The following RBMS3 variants were observed in gnomAD, a reference collection of about 807,000 sequenced individuals.
The protein encoded by RBMS3 is RNA-binding motif, single-stranded-interacting protein 3.
RBMS3 carries 27 observed loss-of-function variants against 66.8 expected under a neutral mutation model. The ratio of observed to expected loss-of-function variants is 0.40; its 90% confidence interval spans 0.30 to 0.56. RBMS3 has a LOEUF of 0.56. RBMS3 is among the 20% of genes least tolerant of loss of function. The pLI is 0.40. For missense variants in RBMS3, 513 were observed against 549.5 expected (o/e 0.93, Z 0.66); for synonymous variants, 188 against 183.0 (o/e 1.03, Z -0.22).
chr3:29,560,027 A>T (rs1440160589), intron 3 of RBMS3, among the ~76,000 whole-genome samples: 1 of 152,200 alleles, frequency 6.6e-6, no homozygotes. Flanking sequence ...CTTCAAAAAT[A>T]TTTAAATCAC....
At chr3:29,352,290 G>A (rs922582095) in intron 1 of RBMS3, among the ~76,000 whole-genome samples, 2 of 151,898 alleles carry the variant, frequency 1.3e-5, no homozygotes, top group Non-Finnish European at 2.9e-5. Context: ...TTACTTATAA[G>A]TTAATTTTGA....
intron 4 of RBMS3, among the ~76,000 whole-genome samples, chr3:29,600,355 C>T (rs1295591779): frequency 1.3e-5 from 2 of 151,946 alleles, no homozygotes; most frequent in African/African-American, 4.8e-5. Flanking sequence ...TGAGATCTTG[C>T]TCTATTAGTT....
At chr3:29,915,553 C>T (rs542337120) in intron 10 of RBMS3, among the ~76,000 whole-genome samples, 1 of 151,388 alleles carries the variant, frequency 6.6e-6, no homozygotes, top group Non-Finnish European at 1.5e-5. Flanking sequence ...ACAGTATGCC[C>T]GTATCTCCAG....
intron 6 of RBMS3, among the ~76,000 whole-genome samples, chr3:29,849,083 A>C (rs1024859252): frequency 6.6e-6 from 1 of 151,858 alleles, no homozygotes; most frequent in Non-Finnish European, 1.5e-5. Context: ...TCAGATATAC[A>C]CTCAGGTCTA....
chr3:29,609,308 C>T (rs993122392), intron 4 of RBMS3, among the ~76,000 whole-genome samples: 12 of 151,966 alleles, frequency 7.9e-5, no homozygotes, highest in African/African-American at 2.9e-4. Flanking sequence ...CAGTATTGGA[C>T]TGGCAGTATG....
At chr3:29,406,457 A>G (rs1309314375) in intron 1 of RBMS3, among the ~76,000 whole-genome samples, 1 of 152,202 alleles carries the variant, frequency 6.6e-6, no homozygotes, top group African/African-American at 2.4e-5. Context: ...AACTCCCTGA[A>G]TGACAATCCA....
At chr3:29,577,635 C>T (rs1460590471) in intron 3 of RBMS3, among the ~76,000 whole-genome samples, 1 of 152,322 alleles carries the variant, frequency 6.6e-6, no homozygotes, top group East Asian at 1.9e-4. Flanking sequence ...GGTCCAAATG[C>T]TCCCTCTGTG....
intron 11 of RBMS3, 106 bp downstream of exon 11, chr3:29,936,302 T>C: frequency 9.6e-7 from 1 of 1,037,132 alleles, no homozygotes; most frequent in South Asian, 1.5e-5. Context: ...CCATATTCGT[T>C]GACTAACACA....
At chr3:29,585,422 G>A (rs2047484031) in intron 3 of RBMS3, among the ~76,000 whole-genome samples, 2 of 152,212 alleles carry the variant, frequency 1.3e-5, no homozygotes, top group East Asian at 3.9e-4. Context: ...TCATGGTATG[G>A]TGTATTTGAA....
intron 4 of RBMS3, among the ~76,000 whole-genome samples, chr3:29,714,737 TGCAC>T (rs1263809374): frequency 3.1e-5 from 4 of 130,256 alleles, no homozygotes; most frequent in African/African-American, 6.3e-5. Flanking sequence ...CAGATGCATG[TGCAC>T]ACATGTACAC....
At chr3:29,768,117 A>G (rs2056014381) in intron 6 of RBMS3, among the ~76,000 whole-genome samples, 1 of 151,968 alleles carries the variant, frequency 6.6e-6, no homozygotes, top group African/African-American at 2.4e-5. Context: ...TTTTCACTGG[A>G]AAAATTTTTG....
At chr3:29,722,581 G>C (rs2053687509) in intron 4 of RBMS3, among the ~76,000 whole-genome samples, 1 of 152,000 alleles carries the variant, frequency 6.6e-6, no homozygotes, top group Non-Finnish European at 1.5e-5. Flanking sequence ...TGGGATCTAG[G>C]ATTCAATCTA....
chr3:29,645,154 G>A (rs1163121357), intron 4 of RBMS3, among the ~76,000 whole-genome samples: 1 of 152,176 alleles, frequency 6.6e-6, no homozygotes, highest in Non-Finnish European at 1.5e-5. Flanking sequence ...CAGGAATGCA[G>A]GAGATGCAAA....
At chr3:29,327,734 C>T (rs1187733254) in intron 1 of RBMS3, among the ~76,000 whole-genome samples, 3 of 152,100 alleles carry the variant, frequency 2.0e-5, no homozygotes. Flanking sequence ...GTGAGTTTTA[C>T]TGTAAGGGAG....
chr3:29,920,162 A>C (rs2060735304), intron 10 of RBMS3, among the ~76,000 whole-genome samples: 2 of 152,312 alleles, frequency 1.3e-5, no homozygotes, highest in South Asian at 4.1e-4. Flanking sequence ...GGTTATAATC[A>C]AACCAGATCA....
At chr3:29,726,721 G>A (rs575272206) in intron 4 of RBMS3, among the ~76,000 whole-genome samples, 1 of 152,096 alleles carries the variant, frequency 6.6e-6, no homozygotes, top group African/African-American at 2.4e-5. Context: ...CAAACAAATG[G>A]AAAAACATTC....
intron 1 of RBMS3, among the ~76,000 whole-genome samples, chr3:29,363,498 A>G (rs181855478): frequency 1.0e-3 from 159 of 152,314 alleles, no homozygotes; most frequent in African/African-American, 3.3e-3. Context: ...CTCAAATTAA[A>G]ACAACTATTT....
At chr3:29,288,648 G>A (rs949214188) in intron 1 of RBMS3, among the ~76,000 whole-genome samples, 3 of 152,016 alleles carry the variant, frequency 2.0e-5, no homozygotes, top group Non-Finnish European at 4.4e-5. Context: ...AGTTAATGAA[G>A]GAGACTAGAA....
At chr3:29,808,655 T>G (rs572816533) in intron 6 of RBMS3, among the ~76,000 whole-genome samples, 69 of 152,096 alleles carry the variant, frequency 4.5e-4, no homozygotes, top group African/African-American at 1.6e-3. Flanking sequence ...GCTAAATAAT[T>G]TAACGTCTGG....
Sources: allele counts gnomAD v4.1 joint callset (sites outside exome capture counted in the v4.1 genomes callset), GRCh38; gene constraint gnomAD v4.1.1; transcripts MANE v1.5; gene names NCBI Gene and HGNC (gene_info 2026-07-23, HGNC 2026-07-21).